Variants in IYD observed in about 807,000 individuals in gnomAD.
IYD encodes the protein iodotyrosine deiodinase 1.
In IYD, 25 loss-of-function variants were observed where a neutral mutation model predicts 28.4. The ratio of observed to expected loss-of-function variants is 0.88; its 90% CI spans 0.64 to 1.23. IYD has a LOEUF of 1.23. IYD is among the 50% of genes most tolerant of loss of function. The probability of loss-of-function intolerance (pLI) is 0.00; values close to 1 mark genes in which losing one functional copy is unlikely to be tolerated. For missense variants in IYD, 352 were observed against 357.9 expected (o/e 0.98, Z 0.13); for synonymous variants, 140 against 130.8 (o/e 1.07, Z -0.48).
rs187995940 is a variant in IYD, at chr6:150,383,051, T to C, written c.179-6301T>C. Among the ~76,000 whole-genome samples the C allele has an allele frequency of 2.0e-4, 30 of 152,372 alleles. 1 individual carries two copies. The highest frequency in any genetic ancestry group is 4.4e-5 in the Non-Finnish European group (3 of 68,032). Reference sequence around the variant, plus strand: ...CTTTTGGAAAAGTACTTATAAAAACTTTGTGAGGTCTAGGATATTGGTACT... The same window carrying C: ...CTTTTGGAAAAGTACTTATAAAAACCTTGTGAGGTCTAGGATATTGGTACT... On this transcript the variant is annotated intron_variant, in intron 1 of 4. Transcript: ENST00000344419.
chr6:150,392,528 G>A (rs1255537941), intron 3 of IYD, 24 bp downstream of exon 3: 12 of 1,612,650 alleles, frequency 7.4e-6, no homozygotes, highest in African/African-American at 2.7e-5. Context: ...TGGAACTGGG[G>A]ATGTTTGCCT....
rs528783474 is a variant in IYD, at chr6:150,396,693, T to A, written c.688-1362T>A. 5 of 319,798 alleles carry A rather than the reference T, an allele frequency of 1.6e-5. No homozygotes were observed. In the South Asian group the frequency reaches 2.8e-4, roughly 18 times the overall value. The allele number at this position is 319,798 out of a possible 1,614,324, so 19.8% of individuals were successfully genotyped here. On this transcript the variant is annotated intron_variant, in intron 4 of 4. Coordinates refer to ENST00000344419, the MANE Select transcript of IYD (RefSeq NM_203395.3). ...ATCGAGACCATCCTGGCTAACATGG[T>A]GAAACCCGGCCTTTACTAAAAATAC...
At chr6:150,379,059 G>C (rs934179926) in intron 1 of IYD, among the ~76,000 whole-genome samples, 6 of 152,112 alleles carry the variant, frequency 3.9e-5, no homozygotes, top group African/African-American at 1.4e-4. Context: ...GCAGCATCTG[G>C]AATCAGGCAG....
At chr6:150,394,660 A>C (rs1180043878) in intron 4 of IYD, among the ~76,000 whole-genome samples, 1 of 152,200 alleles carries the variant, frequency 6.6e-6, no homozygotes, top group Non-Finnish European at 1.5e-5. Context: ...CTTTTCTGAG[A>C]AGTTTGCGTT....
chr6:150,398,020 T>C (rs1778386622), intron 4 of IYD, 35 bp from the exon 5 acceptor site: 15 of 1,606,028 alleles, frequency 9.3e-6, no homozygotes, highest in Non-Finnish European at 1.3e-5. Context: ...TTCTGCCTGC[T>C]GACTTTAAAA....
At chr6:150,377,911 G>A (rs973260857) in intron 1 of IYD, among the ~76,000 whole-genome samples, 1 of 152,136 alleles carries the variant, frequency 6.6e-6, no homozygotes, top group Non-Finnish European at 1.5e-5. Context: ...GCTGGGCCAG[G>A]ACTGATTGTT....
chr6:150,370,218 CGCG>C (rs1562307330), intron 1 of IYD, among the ~76,000 whole-genome samples: 1 of 142,182 alleles, frequency 7.0e-6, no homozygotes, highest in Non-Finnish European at 1.5e-5. Flanking sequence ...TGTGTGTGTG[CGCG>C]TGCGTGTGTG....
chr6:150,396,690 T>C (rs9397954), intron 4 of IYD: 23,970 of 330,018 alleles, frequency 0.073, 1,700 homozygotes, highest in East Asian at 0.32. Context: ...CTGGCTAACA[T>C]GGTGAAACCC....
At chr6:150,380,818 C>T (rs1253614716) in intron 1 of IYD, among the ~76,000 whole-genome samples, 1 of 152,158 alleles carries the variant, frequency 6.6e-6, no homozygotes, top group Non-Finnish European at 1.5e-5. Context: ...TGGGGCAGCC[C>T]TTCTTCCTTC....
rs144067766 is a variant in IYD at position 150,394,163 on chromosome 6, C to T, written c.595C>T (p.His199Tyr). ...TTTGATTCTCATTTTCAAACAAGTA[C>T]ATGGTTTCGCCGCAAATGGCAAGAA... ...PILILIFKQV[H>Y]GFAANGKKKV... is the part of the protein sequence containing the mutation. Residue 199 changes from histidine (H) to tyrosine (Y), a missense_variant, in exon 4 of 5, where the codon CAT (histidine) becomes TAT (tyrosine). By Grantham distance (83) the His-to-Tyr change is moderately conservative. Transcript: ENST00000344419. 4 of 1,613,978 alleles carry T rather than the reference C, an allele frequency of 2.5e-6. No homozygotes were observed. In the African/African-American group the frequency reaches 4.0e-5, roughly 16 times the overall value.
chr6:150,398,141 G>T lies in IYD; in HGVS notation c.774G>T (p.Lys258Asn). 1 of 1,614,194 alleles carries T rather than the reference G, an allele frequency of 6.2e-7. No homozygotes were observed. Among genetic ancestry groups the T allele is most frequent in the Non-Finnish European group, 8.5e-7 (1 of 1,180,026 alleles). The change falls in exon 5 of 5, where the codon AAG becomes AAT. Residue 258 changes from lysine to asparagine, a missense_variant. Lys to Asn is a moderately conservative substitution (Grantham distance 94). Coordinates refer to ENST00000344419, the MANE Select transcript of IYD (RefSeq NM_203395.3). ...TCCTGGGCCGCCCCGCACATGAAAA[G>T]CTGCTGATGCTGCTCCCCGTGGGGT... ...RVLLGRPAHE[K>N]LLMLLPVGYP...
At chr6:150,382,068 C>T (rs1162155171) in intron 1 of IYD, among the ~76,000 whole-genome samples, 1 of 152,174 alleles carries the variant, frequency 6.6e-6, no homozygotes, top group Non-Finnish European at 1.5e-5. Flanking sequence ...CTTGCTGTCT[C>T]TATTGCTGCG....
chr6:150,382,012 T>A (rs1442383049), intron 1 of IYD, among the ~76,000 whole-genome samples: 1 of 152,202 alleles, frequency 6.6e-6, no homozygotes, highest in African/African-American at 2.4e-5. Context: ...AGTCATGGTG[T>A]GAAGGGCCTG....
chr6:150,369,124 G>T lies in IYD; in HGVS notation c.93G>T (p.Lys31Asn). ...CCGACAGAAGCATGGAGAAAAAGAA[G>T]GGGGAGCCTAGAACCAGGGCCGAAG... is the stretch of plus-strand genomic sequence containing the variant. ...KNADRSMEKK[K>N]GEPRTRAEAR... Residue 31 changes from lysine to asparagine, a missense_variant, in exon 1 of 5, where the codon AAG (lysine) becomes AAT (asparagine). Coordinates refer to ENST00000344419, the MANE Select transcript of IYD (RefSeq NM_203395.3). 1 of 1,613,958 alleles carries T rather than the reference G, an allele frequency of 6.2e-7. No homozygotes were observed.
rs601223 is a variant in IYD, at chr6:150,399,435, T to G, written c.*1198T>G. 131,191 of 152,160 alleles carry G rather than the reference T, an allele frequency of 0.86. 57,022 individuals are homozygous for G. The highest frequency in any genetic ancestry group is 0.93 in the Non-Finnish European group (63,403 of 68,118). 9.4% of individuals were successfully genotyped at this position (152,160 alleles called of 1,614,324 possible). A position where few individuals can be genotyped will look rare whatever the true frequency, so the allele number is the denominator to read the frequency against. Reference sequence around the variant, plus strand: ...CTGTTTGGGACTGATAGGGTCACAGTTGCCAGGTTGGGAATGCTAGATGTA... The same window carrying G: ...CTGTTTGGGACTGATAGGGTCACAGGTGCCAGGTTGGGAATGCTAGATGTA... On this transcript the variant is annotated 3_prime_UTR_variant, in exon 5 of 5. Coordinates refer to ENST00000344419, the MANE Select transcript of IYD (RefSeq NM_203395.3).
intron 1 of IYD, 55 bp from the exon 2 acceptor site, chr6:150,389,297 C>A: frequency 1.4e-6 from 2 of 1,382,372 alleles, no homozygotes; most frequent in Non-Finnish European, 2.1e-6. Context: ...CCCCAGCGGT[C>A]ACCTTATGAC....
At chr6:150,388,669 T>TTCTTTCTTTCTTTCTC (rs1777989071) in intron 1 of IYD, among the ~76,000 whole-genome samples, 1 of 147,286 alleles carries the variant, frequency 6.8e-6, no homozygotes, top group African/African-American at 2.5e-5. Flanking sequence ...CTTTCTTTCT[T>TTCTTTCTTTCTTTCTC]TCTTTCTTTC....
chr6:150,380,118 A>C (rs1777594040), intron 1 of IYD, among the ~76,000 whole-genome samples: 1 of 152,222 alleles, frequency 6.6e-6, no homozygotes, highest in Admixed American at 6.5e-5. Context: ...GGCTCAATAA[A>C]AGCCTTGTTG....
chr6:150,396,504 T>C (rs7774077), intron 4 of IYD: 74,131 of 697,978 alleles, frequency 0.11, 9,380 homozygotes, highest in African/African-American at 0.43. Context: ...AAATTCAGTA[T>C]GGAGTAAAAG....
Sources: allele counts gnomAD v4.1 joint callset (sites outside exome capture counted in the v4.1 genomes callset), GRCh38; gene constraint gnomAD v4.1.1; transcripts MANE v1.5; gene names NCBI Gene and HGNC (gene_info 2026-07-23, HGNC 2026-07-21).